Variants in EIF4G1 observed in about 807,000 individuals in gnomAD.
EIF4G1 encodes the protein eukaryotic translation initiation factor 4 gamma 1.
EIF4G1 carries 4 observed loss-of-function variants against 187.8 expected under a neutral mutation model. The observed-to-expected ratio is 0.02, with a 90% CI of 0.01 to 0.05. EIF4G1 has a LOEUF of 0.05. Ranked by LOEUF, EIF4G1 falls within the 10% of genes least tolerant of loss-of-function variation. The probability of loss-of-function intolerance (pLI) is 1.00; values close to 1 mark genes in which losing one functional copy is unlikely to be tolerated. For synonymous variants in EIF4G1, 844 were observed against 781.4 expected, an observed-to-expected ratio of 1.08 and a Z score of -1.34; for missense variants, 1,647 against 2,081.1, an observed-to-expected ratio of 0.79 and a Z score of 4.06.
chr3:184,320,529 C>T (rs764773235), intron 7 of EIF4G1, 101 bp from the exon 8 acceptor site: 19 of 1,599,586 alleles, frequency 1.2e-5, no homozygotes, highest in Middle Eastern at 1.9e-4. Flanking sequence ...ACCTGCTTCC[C>T]GCTGGGGGGT....
intron 3 of EIF4G1, 88 bp from the exon 4 acceptor site, chr3:184,316,044 C>T (rs1722719234): frequency 1.9e-6 from 3 of 1,578,358 alleles, no homozygotes; most frequent in African/African-American, 1.4e-5. Flanking sequence ...AGGCTCTTGC[C>T]GCAGATCTGC....
rs543250201 is a variant in EIF4G1 at position 184,332,292 on chromosome 3, T to C, written c.4618+206T>C. On this transcript the variant is annotated intron_variant, in intron 32 of 32. Coordinates refer to ENST00000346169, the MANE Select transcript of EIF4G1 (RefSeq NM_198241.3). ...AGTTAGACACAGCCTTGAAGGGTAA[T>C]TGCCTGTTTTGTGCCTAGCCATGTG... 2.6e-5 allele frequency among the ~76,000 whole-genome samples: 4 copies of C among 152,368 alleles called. No individual in the cohort carries two copies. The South Asian group carries it at 8.3e-4, about 32-fold the overall frequency.
At chr3:184,328,578 A>G in intron 26 of EIF4G1, 53 bp from the exon 27 acceptor site, 7 of 1,613,630 alleles carry the variant, frequency 4.3e-6, no homozygotes, top group Non-Finnish European at 5.9e-6. Flanking sequence ...GTTGCCCCAG[A>G]AGGAGAGTGG....
intron 26 of EIF4G1, 63 bp from the exon 27 acceptor site, chr3:184,328,568 G>A (rs1268209346): frequency 2.5e-6 from 4 of 1,612,606 alleles, no homozygotes; most frequent in Non-Finnish European, 2.5e-6. Flanking sequence ...GCCATGCCAC[G>A]TTGCCCCAGA....
intron 9 of EIF4G1, 50 bp from the exon 10 acceptor site, chr3:184,321,232 G>T: frequency 6.2e-7 from 1 of 1,608,868 alleles, no homozygotes; most frequent in Non-Finnish European, 8.5e-7. Context: ...AGGAACAACA[G>T]CAGTTAAGCA....
chr3:184,332,814 C>T (rs1476445212), intron 32 of EIF4G1, among the ~76,000 whole-genome samples: 2 of 152,136 alleles, frequency 1.3e-5, no homozygotes, highest in Non-Finnish European at 2.9e-5. Context: ...TGGGAGAGCA[C>T]AGCAACCAGT....
rs143014570 is a variant in EIF4G1, at chr3:184,321,915, C to T, written c.1331C>T (p.Thr444Met). Residue 444 changes from threonine (T) to methionine (M), a missense_variant, in exon 10 of 33, where the codon ACG becomes ATG. This residue lies in a region of EIF4G1 where 522 missense variants were observed against 485.2 expected (regional missense o/e 1.08). Transcript: ENST00000346169. ...ACCATCCCCTCTGCTACTCCAGCTA[C>T]GGCTCCTTCAGCTACTTCCCCAGCT... ...PPTIPSATPA[T>M]APSATSPAQE... is the part of the protein sequence containing the mutation. 43 of 1,614,170 alleles carry T rather than the reference C, an allele frequency of 2.7e-5. No individual in the cohort carries two copies. In the East Asian group the frequency reaches 3.8e-4, roughly 14 times the overall value.
chr3:184,320,446 G>T lies in EIF4G1; in HGVS notation c.538-184G>T. 3 of 1,503,152 alleles carry T rather than the reference G, an allele frequency of 2.0e-6. No homozygotes were observed. In the South Asian group the frequency reaches 3.9e-5, roughly 19 times the overall value. 93.1% of individuals were successfully genotyped at this position (1,503,152 alleles called of 1,614,324 possible). ...GAGATCAAGGGTCTCTTAAGGGTGG[G>T]AGCTGGGGCAGGGACTACGAGAGCA... On this transcript the variant is annotated intron_variant, in intron 7 of 32. Coordinates refer to ENST00000346169, the MANE Select transcript of EIF4G1 (RefSeq NM_198241.3).
At position 184,323,655 on chromosome 3, in the gene EIF4G1, C is replaced by T. The variant is rs1724310491; in HGVS notation, c.2274+62C>T. 4 of 1,611,648 alleles carry T rather than the reference C, an allele frequency of 2.5e-6. No homozygotes were observed. Among genetic ancestry groups the T allele is most frequent in the Admixed American group, 1.7e-5 (1 of 59,754 alleles). Reference sequence around the variant, plus strand: ...CTTCTCCAGGTCTGCCATCTGTGCCCTCTTTGCTTCTTTTTGTCCTTATCA... The same window carrying T: ...CTTCTCCAGGTCTGCCATCTGTGCCTTCTTTGCTTCTTTTTGTCCTTATCA... On this transcript the variant is annotated intron_variant, in intron 15 of 32. Transcript: ENST00000346169. The surrounding 1 kb of genome is among the most constrained non-coding windows in gnomAD (Gnocchi z 6.9).
At position 184,334,684 on chromosome 3, in the gene EIF4G1, G is replaced by A. The variant is rs1337941633; in HGVS notation, c.4619-43G>A. 2.5e-6 allele frequency: 4 copies of A among 1,613,386 alleles called. No individual in the cohort carries two copies. Among genetic ancestry groups the A allele is most frequent in the African/African-American group, 1.3e-5 (1 of 75,000 alleles). ...GGGTTCCCTGGGGTGGGCTGGGGTGGCGGTGGCCAGTCACCTCTAACTGCT... is the reference window on the plus strand; with the variant it reads ...GGGTTCCCTGGGGTGGGCTGGGGTGACGGTGGCCAGTCACCTCTAACTGCT... On this transcript the variant is annotated intron_variant, in intron 32 of 32. Coordinates refer to ENST00000346169, the MANE Select transcript of EIF4G1 (RefSeq NM_198241.3). The surrounding 1 kb of genome is among the most constrained non-coding windows in gnomAD (Gnocchi z 5.8).
At chr3:184,320,774 G>T in intron 8 of EIF4G1, 52 bp downstream of exon 8, 1 of 1,612,982 alleles carries the variant, frequency 6.2e-7, no homozygotes, top group Non-Finnish European at 8.5e-7. Flanking sequence ...GTTCTGCCCT[G>T]GACTCCCAAG....
intron 1 of EIF4G1, chr3:184,315,244 A>C (rs1303730611): frequency 1.7e-5 from 7 of 419,522 alleles, no homozygotes; most frequent in Non-Finnish European, 4.8e-6. Context: ...CCTGGCCTAC[A>C]CTCCTGGGCG....
chr3:184,331,361 A>G lies in EIF4G1; in HGVS notation c.4257A>G (p.Glu1419=), dbSNP rs749337852. Residue 1419 remains glutamate, a synonymous_variant, in exon 29 of 33, where the codon GAA becomes GAG. Coordinates refer to ENST00000346169, the MANE Select transcript of EIF4G1 (RefSeq NM_198241.3). ...AGGACATTGGTGCATTCGTCGCTGA[A>G]CAGGTTTGGGGATGGAGTTGGGTTA... ...EGQDIGAFVA[E]QKVEYTLGEE... The G allele has an allele frequency of 6.2e-7, 1 of 1,614,230 alleles. No homozygotes were observed. Among genetic ancestry groups the G allele is most frequent in the Admixed American group, 1.7e-5 (1 of 60,034 alleles).
In EIF4G1 at chr3:184,334,767, C is replaced by T. The variant is rs369644486; in HGVS notation, c.4659C>T (p.Asp1553=). The change falls in exon 33 of 33, where the codon GAC becomes GAT. Residue 1553 remains aspartate (D), a synonymous_variant. Coordinates refer to ENST00000346169, the MANE Select transcript of EIF4G1 (RefSeq NM_198241.3). The surrounding 1 kb of genome is among the most constrained non-coding windows in gnomAD (Gnocchi z 5.8). ...RMFFDALYDE[D]VVKEDAFYSW... ...TCTTTGACGCACTGTATGACGAGGACGTGGTGAAGGAGGATGCCTTCTACA... is the reference window on the plus strand; with the variant it reads ...TCTTTGACGCACTGTATGACGAGGATGTGGTGAAGGAGGATGCCTTCTACA... The T allele has an allele frequency of 1.7e-5, 28 of 1,614,172 alleles. 1 individual carries two copies. The highest frequency in any genetic ancestry group is 1.6e-4 in the Middle Eastern group (1 of 6,062).
rs1285446085 is a variant in EIF4G1 at position 184,334,395 on chromosome 3, G to A, written c.4619-332G>A. ...TAGGACTTTATGTATGATATATATA[G>A]GACTTTTAGCGATTTCCTGAATTCA... On this transcript the variant is annotated intron_variant, in intron 32 of 32. Coordinates refer to ENST00000346169, the MANE Select transcript of EIF4G1 (RefSeq NM_198241.3). This position sits in a 1 kb window ranked among gnomAD's most constrained non-coding sequence, Gnocchi z 5.8. Among the ~76,000 whole-genome samples, 3 of 152,158 alleles carry A rather than the reference G, an allele frequency of 2.0e-5. No individual in the cohort carries two copies. Among genetic ancestry groups the A allele is most frequent in the African/African-American group, 7.2e-5 (3 of 41,422 alleles).
rs766834162 is a variant in EIF4G1, at chr3:184,324,362, A to G, written c.2619+15A>G. ...AAGCTGCTACGGTGAGAGAAAACCCACTATCGATTCCACTCACCACTTACC... is the reference window on the plus strand; with the variant it reads ...AAGCTGCTACGGTGAGAGAAAACCCGCTATCGATTCCACTCACCACTTACC... On this transcript the variant is annotated intron_variant, in intron 17 of 32. Transcript: ENST00000346169. 8.1e-6 allele frequency: 13 copies of G among 1,614,024 alleles called. No individual in the cohort carries two copies. The highest frequency in any genetic ancestry group is 7.7e-5 in the South Asian group (7 of 91,068).
intron 23 of EIF4G1, 30 bp from the exon 24 acceptor site, chr3:184,327,186 T>C: frequency 6.2e-7 from 1 of 1,611,732 alleles, no homozygotes; most frequent in East Asian, 2.2e-5. Flanking sequence ...GCAGTGCAAG[T>C]GAGTGAAAAT....
chr3:184,315,398 G>A, intron 1 of EIF4G1, 91 bp from the exon 2 acceptor site: 1 of 532,178 alleles, frequency 1.9e-6, no homozygotes. Flanking sequence ...TCGTGATCCG[G>A]GAGCCTGGTG....
intron 6 of EIF4G1, among the ~76,000 whole-genome samples, chr3:184,319,467 T>TTGTGTG (rs756906987): frequency 1.8e-4 from 2 of 11,264 alleles, no homozygotes; most frequent in Non-Finnish European, 3.3e-4. Flanking sequence ...GTGTGTGTGT[T>TTGTGTG]TGTGTGTGTG....
Sources: gnomAD v4.1 joint callset for allele counts (sites outside exome capture counted in the v4.1 genomes callset) on GRCh38, gnomAD v4.1.1 for gene constraint, gnomAD v4.1.1 regional missense constraint, Gnocchi (gnomAD v3.1) non-coding constraint, MANE v1.5 for transcripts, NCBI Gene and HGNC (gene_info 2026-07-23, HGNC 2026-07-21) for gene names.